Variants in TFAP2A observed in about 807,000 individuals in gnomAD.
TFAP2A encodes transcription factor AP-2-alpha.
In TFAP2A, 7 loss-of-function variants were observed where a neutral mutation model predicts 41.5. That is an observed-to-expected ratio of 0.17 (90% CI 0.10 to 0.32). The LOEUF is 0.32. Among genes scored for constraint, TFAP2A ranks in the 10% least tolerant of loss-of-function variants. The probability of loss-of-function intolerance (pLI) is 1.00; values close to 1 mark genes in which losing one functional copy is unlikely to be tolerated. For missense variants in TFAP2A, 416 were observed against 563.3 expected (o/e 0.74, Z 2.65); for synonymous variants, 247 against 242.8 (o/e 1.02, Z -0.16).
At chr6:10,406,509 C>A (rs1757719121) in intron 3 of TFAP2A, 1 of 479,762 alleles carries the variant, frequency 2.1e-6, no homozygotes. Context: ...AATTGAAATG[C>A]CACTTCCAAA....
intron 1 of TFAP2A, chr6:10,414,593 TGAA>T (rs756799912): frequency 6.3e-6 from 3 of 474,126 alleles, no homozygotes; most frequent in Non-Finnish European, 1.2e-5. Context: ...TCAATCTCGA[TGAA>T]GATAACACGA....
At chr6:10,402,806 C>T (rs1391441339) in intron 4 of TFAP2A, among the ~76,000 whole-genome samples, 196 bp from the exon 5 acceptor site, 2 of 152,198 alleles carry the variant, frequency 1.3e-5, no homozygotes, top group South Asian at 2.1e-4. Flanking sequence ...CTGTAAAGCA[C>T]CCCCTACGTT....
At chr6:10,412,172 G>T in intron 1 of TFAP2A, 2 of 988,224 alleles carry the variant, frequency 2.0e-6, no homozygotes, top group South Asian at 4.7e-5. Flanking sequence ...AAATCGGAGT[G>T]GGGAGAGGGA....
At chr6:10,405,236 A>G (rs2114017050) in intron 3 of TFAP2A, 1 of 157,296 alleles carries the variant, frequency 6.4e-6, no homozygotes, top group Non-Finnish European at 1.4e-5. Flanking sequence ...AAATCAGCCG[A>G]CAATTTAGAT....
At chr6:10,411,875 A>T in intron 1 of TFAP2A, 1 of 1,324,938 alleles carries the variant, frequency 7.5e-7, no homozygotes. Context: ...TAAAAATGAA[A>T]AACCCCAAAA....
upstream of TFAP2A, chr6:10,415,256 C>T (rs1581277394): frequency 1.4e-6 from 2 of 1,436,186 alleles, no homozygotes; most frequent in East Asian, 2.5e-5. Flanking sequence ...GGAGATCTCC[C>T]TCTAATGGTA....
At chr6:10,404,931 C>T in intron 3 of TFAP2A, 192 bp from the exon 4 acceptor site, 2 of 615,290 alleles carry the variant, frequency 3.3e-6, no homozygotes, top group Non-Finnish European at 5.7e-6. Flanking sequence ...CCTACCTCAC[C>T]CGGCGGCCGG....
At chr6:10,415,083 G>C, upstream of TFAP2A, 2 of 1,612,708 alleles carry the variant, frequency 1.2e-6, no homozygotes, top group South Asian at 1.1e-5. Context: ...CCGGCGGTGA[G>C]CGCAGGAGGA....
chr6:10,414,042 A>G (rs755561707), intron 1 of TFAP2A, among the ~76,000 whole-genome samples: 3 of 152,204 alleles, frequency 2.0e-5, no homozygotes, highest in Non-Finnish European at 2.9e-5. Context: ...TGCTGCCTCA[A>G]GAAGGCGAGC....
chr6:10,405,091 GGT>G, intron 3 of TFAP2A: 1 of 323,640 alleles, frequency 3.1e-6, no homozygotes. Flanking sequence ...CCCCAGATGA[GGT>G]CCAGGACCAC....
chr6:10,408,312 T>A (rs1379655677), intron 2 of TFAP2A, among the ~76,000 whole-genome samples: 1 of 152,224 alleles, frequency 6.6e-6, no homozygotes, highest in Non-Finnish European at 1.5e-5. Context: ...GTTTAATCTT[T>A]TAGTTAGTTT....
intron 6 of TFAP2A, among the ~76,000 whole-genome samples, chr6:10,399,819 C>T (rs1310256882): frequency 2.6e-5 from 4 of 152,080 alleles, no homozygotes; most frequent in African/African-American, 7.2e-5. Flanking sequence ...GCCCAGGCAC[C>T]GATGGGAATA....
upstream of TFAP2A, among the ~76,000 whole-genome samples, chr6:10,419,175 G>A (rs1758345163): frequency 6.6e-6 from 1 of 152,172 alleles, no homozygotes; most frequent in African/African-American, 2.4e-5. Context: ...AGCGTGCGCC[G>A]GACTTCCCCG....
intron 1 of TFAP2A, chr6:10,411,745 C>G (rs909421555): frequency 6.7e-7 from 1 of 1,502,382 alleles, no homozygotes; most frequent in African/African-American, 1.4e-5. Flanking sequence ...CGACGCTCCC[C>G]GGAGCGCGGG....
At position 10,409,938 on chromosome 6, in the gene TFAP2A, G is replaced by A; in HGVS notation, c.449C>T (p.Ser150Leu). ...GATGGCGTGAGGTAAGGAGTGGATCGAGAGGTCTCCGAGTCCTGAGCTGAG... is the reference window on the plus strand; with the variant it reads ...GATGGCGTGAGGTAAGGAGTGGATCAAGAGGTCTCCGAGTCCTGAGCTGAG... ...HALSSGLGDL[S>L]IHSLPHAIEE... The change falls in exon 2 of 7, where the codon TCG becomes TTG. Residue 150 changes from serine (S) to leucine (L), a missense_variant. Ser to Leu is a moderately radical substitution (Grantham distance 145). Coordinates refer to ENST00000379613, the MANE Select transcript of TFAP2A (RefSeq NM_001372066.1). 1 of 1,557,754 alleles carries A rather than the reference G, an allele frequency of 6.4e-7. No homozygotes were observed. The highest frequency in any genetic ancestry group is 1.2e-5 in the South Asian group (1 of 85,100).
chr6:10,404,534 C>G lies in TFAP2A; in HGVS notation c.744G>C (p.Ala248=), dbSNP rs1221567277. ...RRLSPPECLN[A]SLLGGVLRRA... ...TCCGGAGCACTCCGCCCAGCAGCGA[C>G]GCGTTGAGACACTCGGGTGGTGAGA... is the stretch of plus-strand genomic sequence containing the variant. The change falls in exon 4 of 7, where the codon GCG becomes GCC. Residue 248 remains alanine, a synonymous_variant. Transcript: ENST00000379613. 2 of 1,612,460 alleles carry G rather than the reference C, an allele frequency of 1.2e-6. No individual in the cohort carries two copies. Among genetic ancestry groups the G allele is most frequent in the Non-Finnish European group, 1.7e-6 (2 of 1,179,366 alleles).
In TFAP2A at chr6:10,404,677, T is replaced by C. The variant is rs768437372; in HGVS notation, c.601A>G (p.Asn201Asp). 3.7e-6 allele frequency: 6 copies of C among 1,614,010 alleles called. No homozygotes were observed. Among genetic ancestry groups the C allele is most frequent in the Admixed American group, 1.7e-5 (1 of 60,012 alleles). ...GGGTTCACCACGCCGCCGAAGAGGT[T>C]GTCCTTGTTAATAGGGATGGCGGAG... ...AVSAIPINKD[N>D]LFGGVVNPNE... The change falls in exon 4 of 7, where the codon AAC becomes GAC. Residue 201 changes from asparagine to aspartate, a missense_variant. This residue lies in a region of TFAP2A where 241 missense variants were observed against 274.1 expected (regional missense o/e 0.88). Coordinates refer to ENST00000379613, the MANE Select transcript of TFAP2A (RefSeq NM_001372066.1).
chr6:10,406,605 T>C (rs1757724537), intron 3 of TFAP2A, 188 bp downstream of exon 3: 1 of 626,678 alleles, frequency 1.6e-6, no homozygotes, highest in South Asian at 1.9e-5. Flanking sequence ...AGAACAAAGC[T>C]AGCCTGTTGG....
At chr6:10,407,683 AAC>A (rs972433668) in intron 2 of TFAP2A, 59 of 152,158 alleles carry the variant, frequency 3.9e-4, no homozygotes, top group African/African-American at 1.4e-3. Context: ...ATCATTACCA[AAC>A]ACAGGCATTA....
Sources: gnomAD v4.1 joint callset for allele counts (sites outside exome capture counted in the v4.1 genomes callset) on GRCh38, gnomAD v4.1.1 for gene constraint, gnomAD v4.1.1 regional missense constraint, MANE v1.5 for transcripts, NCBI Gene and HGNC (gene_info 2026-07-23, HGNC 2026-07-21) for gene names.